MFAP1: variants seen among roughly 807,000 people sequenced by gnomAD.
MFAP1 encodes microfibril associated protein 1.
A neutral mutation model predicts 62.2 loss-of-function variants in MFAP1; 18 were observed. That is an observed-to-expected ratio of 0.29 (90% CI 0.20 to 0.43). The LOEUF (loss-of-function observed/expected upper bound fraction) is 0.43. MFAP1 is among the 20% of genes least tolerant of loss of function. The pLI is 1.00. For missense variants in MFAP1, 355 were observed against 559.7 expected, an observed-to-expected ratio of 0.63 and a Z score of 3.69; for synonymous variants, 175 against 180.4, an observed-to-expected ratio of 0.97 and a Z score of 0.24.
chr15:43,819,236 C>G (rs1186560975), intron 1 of MFAP1, among the ~76,000 whole-genome samples: 1 of 151,958 alleles, frequency 6.6e-6, no homozygotes, highest in Non-Finnish European at 1.5e-5. Flanking sequence ...AAAAAATGTA[C>G]ATAGATAGAT....
intron 7 of MFAP1, 139 bp downstream of exon 7, chr15:43,809,616 C>T (rs1596055436): frequency 2.0e-6 from 2 of 1,013,198 alleles, no homozygotes; most frequent in East Asian, 4.9e-5. Flanking sequence ...TTATATTGTT[C>T]AGAAGGAAAA....
chr15:43,819,802 G>C (rs751325958), intron 1 of MFAP1, among the ~76,000 whole-genome samples: 4 of 152,156 alleles, frequency 2.6e-5, no homozygotes, highest in African/African-American at 7.2e-5. Context: ...TAAAGTGCTG[G>C]GATTTCAGGT....
chr15:43,817,739 A>G (rs1021320311), intron 1 of MFAP1, among the ~76,000 whole-genome samples: 11 of 152,256 alleles, frequency 7.2e-5, no homozygotes, highest in Middle Eastern at 3.4e-3. Flanking sequence ...CCCCCCCAAA[A>G]AGGCAGACTG....
intron 1 of MFAP1, among the ~76,000 whole-genome samples, chr15:43,820,929 AG>A (rs1233776648): frequency 6.6e-6 from 1 of 152,168 alleles, no homozygotes; most frequent in African/African-American, 2.4e-5. Flanking sequence ...TGTTTGAGAA[AG>A]GGTCTCATTC....
chr15:43,813,699 A>G (rs2087417282), intron 4 of MFAP1, among the ~76,000 whole-genome samples: 1 of 151,734 alleles, frequency 6.6e-6, no homozygotes, highest in Non-Finnish European at 1.5e-5. Context: ...TTTAGTAGAG[A>G]TGGGGTTTCA....
At chr15:43,823,200 G>A (rs1241580575) in intron 1 of MFAP1, among the ~76,000 whole-genome samples, 1 of 150,858 alleles carries the variant, frequency 6.6e-6, no homozygotes, top group Non-Finnish European at 1.5e-5. Context: ...TGCCCAAGCT[G>A]GTCTTGAACT....
intron 6 of MFAP1, among the ~76,000 whole-genome samples, chr15:43,811,354 T>A (rs1174267373): frequency 6.8e-5 from 10 of 146,324 alleles, no homozygotes; most frequent in African/African-American, 2.5e-4. Context: ...GGGTGGAGGT[T>A]GTAGTGAGCC....
In MFAP1 at chr15:43,824,502, C is replaced by T. The variant is rs1168353675; in HGVS notation, c.68G>A (p.Arg23His). The T allele has an allele frequency of 6.2e-7, 1 of 1,614,090 alleles. No homozygotes were observed. Among genetic ancestry groups the T allele is most frequent in the Non-Finnish European group, 8.5e-7 (1 of 1,180,002 alleles). Residue 23 changes from arginine to histidine, a missense_variant, in exon 1 of 9, where the codon CGC becomes CAC. This residue lies in a region of MFAP1 where 29 missense variants were observed against 46.0 expected (regional missense o/e 0.63). Transcript: ENST00000267812. ...TGTTAGCACCGTACCTTTCTCATTG[C>T]GAACTGGGACGGCCCCAGCCGTAGA... ...IQSTAGAVPVRNEKGEISMEK... is the reference protein window; with the variant it reads ...IQSTAGAVPVHNEKGEISMEK...
chr15:43,822,767 G>A (rs2087474415), intron 1 of MFAP1, among the ~76,000 whole-genome samples: 1 of 152,164 alleles, frequency 6.6e-6, no homozygotes, highest in Non-Finnish European at 1.5e-5. Flanking sequence ...TCGAGCATAA[G>A]TGATCCTCCT....
intron 6 of MFAP1, among the ~76,000 whole-genome samples, chr15:43,812,551 G>T (rs1233096708): frequency 6.6e-6 from 1 of 152,172 alleles, no homozygotes; most frequent in Non-Finnish European, 1.5e-5. Flanking sequence ...GCCCTTTTAA[G>T]TTTCCAGCCC....
Position 43,820,302 on chromosome 15 carries a change from G to GTA in MFAP1, c.80-2856_80-2855dup, listed in dbSNP as rs1195758179. Among the ~76,000 whole-genome samples, 3 of 152,040 alleles carry GTA rather than the reference G, an allele frequency of 2.0e-5. No individual in the cohort carries two copies. The East Asian group carries it at 5.8e-4, about 29-fold the overall frequency. ...ACTGCACTCCAGCCTAGGCGACAGGGTAAGACTCCATCTCAAAAAAAACAA... is the reference window on the plus strand; with the variant it reads ...ACTGCACTCCAGCCTAGGCGACAGGGTATAAGACTCCATCTCAAAAAAAACAA... On this transcript the variant is annotated intron_variant, in intron 1 of 8. Transcript: ENST00000267812.
rs1169389620 is a variant in MFAP1, at chr15:43,824,670, G to C, written c.-101C>G. ...AGAAATTCCTTCCACCTGAGTCCGC[G>C]AACACAGCTGCGCGACTGATAGAGA... On this transcript the variant is annotated 5_prime_UTR_variant, in exon 1 of 9. Transcript: ENST00000267812. 1 of 1,176,756 alleles carries C rather than the reference G, an allele frequency of 8.5e-7. No homozygotes were observed. The highest frequency in any genetic ancestry group is 1.9e-5 in the Admixed American group (1 of 53,120). 72.9% of individuals were successfully genotyped at this position (1,176,756 alleles called of 1,614,324 possible). A position where few individuals can be genotyped will look rare whatever the true frequency, so the allele number is the denominator to read the frequency against.
Position 43,824,483 on chromosome 15 carries a change from C to T in MFAP1, c.79+8G>A, listed in dbSNP as rs1474898403. On this transcript the variant is annotated splice_region_variant and intron_variant, in intron 1 of 8. Coordinates refer to ENST00000267812, the MANE Select transcript of MFAP1 (RefSeq NM_005926.3). ...AATTCGACTGGGAAGAGGGTGTTAG[C>T]ACCGTACCTTTCTCATTGCGAACTG... The T allele has an allele frequency of 1.1e-5, 17 of 1,613,940 alleles. No individual in the cohort carries two copies. The highest frequency in any genetic ancestry group is 1.3e-5 in the Non-Finnish European group (15 of 1,179,974).
chr15:43,820,289 C>A (rs1422261608), intron 1 of MFAP1, among the ~76,000 whole-genome samples: 2 of 152,160 alleles, frequency 1.3e-5, no homozygotes, highest in Non-Finnish European at 2.9e-5. Context: ...TGCACTCCAG[C>A]CTAGGCGACA....
chr15:43,805,341 ACTTTTCT>A lies in MFAP1; in HGVS notation c.1137+28_1137+34del, dbSNP rs761006594. 5 of 1,604,638 alleles carry A rather than the reference ACTTTTCT, an allele frequency of 3.1e-6. No individual in the cohort carries two copies. The South Asian group carries it at 5.6e-5, about 18-fold the overall frequency. On this transcript the variant is annotated intron_variant, in intron 8 of 8. Transcript: ENST00000267812. ...ACCATGCCTCAGCTATCAATACATC[ACTTTTCT>A]CTGTCATGTTATTAAGGTTCCCCAT...
At chr15:43,814,793 A>C in intron 3 of MFAP1, 105 bp from the exon 4 acceptor site, 2 of 1,489,006 alleles carry the variant, frequency 1.3e-6, no homozygotes, top group Non-Finnish European at 1.8e-6. Flanking sequence ...ACTTAGTATC[A>C]TTCTATTTTT....
At position 43,808,845 on chromosome 15, in the gene MFAP1, G is replaced by T. The variant is rs527327816; in HGVS notation, c.1047+910C>A. On this transcript the variant is annotated intron_variant, in intron 7 of 8. Transcript: ENST00000267812. The stretch of plus-strand genomic sequence containing the variant: ...ACTTGAAAAAGCTAGTCTAGTTTTT[G>T]GTGCAAACTGCTTTAACATTAGGAA... Among the ~76,000 whole-genome samples, 21 of 152,310 alleles carry T rather than the reference G, an allele frequency of 1.4e-4. No homozygotes were observed. The East Asian group carries it at 3.9e-3, about 28-fold the overall frequency.
At chr15:43,813,183 A>G (rs1347105507) in intron 5 of MFAP1, 36 bp from the exon 6 acceptor site, 3 of 1,613,548 alleles carry the variant, frequency 1.9e-6, no homozygotes, top group Non-Finnish European at 2.5e-6. Context: ...GGACTTCCTT[A>G]CTCTCCTCAG....
At chr15:43,811,054 C>T (rs184044278) in intron 6 of MFAP1, among the ~76,000 whole-genome samples, 278 of 151,586 alleles carry the variant, frequency 1.8e-3, no homozygotes, top group Non-Finnish European at 1.4e-3. Flanking sequence ...CACGCCCGGC[C>T]TTGTGTACAA....
Sources: gnomAD v4.1 joint callset for allele counts (sites outside exome capture counted in the v4.1 genomes callset) on GRCh38, gnomAD v4.1.1 for gene constraint, gnomAD v4.1.1 regional missense constraint, MANE v1.5 for transcripts, NCBI Gene and HGNC (gene_info 2026-07-23, HGNC 2026-07-21) for gene names.